Variants in NLN observed in about 807,000 individuals in gnomAD.
NLN encodes neurolysin, mitochondrial.
NLN carries 64 observed loss-of-function variants against 79.9 expected under a neutral mutation model. That is an observed-to-expected ratio of 0.80 (90% CI 0.65 to 0.99). The LOEUF is 0.99. Among genes scored for constraint, NLN ranks in the 50% least tolerant of loss-of-function variants. NLN has a pLI of 0.00. For synonymous variants in NLN, 267 were observed against 296.6 expected (o/e 0.90, Z 1.02); for missense variants, 835 against 858.7 (o/e 0.97, Z 0.34).
At chr5:65,739,600 A>T (rs936566580) in intron 1 of NLN, among the ~76,000 whole-genome samples, 2 of 152,222 alleles carry the variant, frequency 1.3e-5, no homozygotes, top group Admixed American at 6.5e-5. Flanking sequence ...ACTGTTTTCC[A>T]TAATGGCTGT....
At position 65,725,085 on chromosome 5, in the gene NLN, G is replaced by A. The variant is rs147976276; in HGVS notation, c.41+2671G>A. ...CTCCCAAAGTGCTGGGATTACAGGCGTGAGCCACTGCGCCCGGCAGAAGTG... is the reference window on the plus strand; with the variant it reads ...CTCCCAAAGTGCTGGGATTACAGGCATGAGCCACTGCGCCCGGCAGAAGTG... On this transcript the variant is annotated intron_variant, in intron 1 of 12. Transcript: ENST00000380985. Among the ~76,000 whole-genome samples, 21 of 152,160 alleles carry A rather than the reference G, an allele frequency of 1.4e-4. 1 individual carries two copies. In the East Asian group the frequency reaches 4.1e-3, roughly 29 times the overall value.
intron 9 of NLN, among the ~76,000 whole-genome samples, chr5:65,794,999 A>T (rs1760143321): frequency 6.6e-6 from 1 of 152,140 alleles, no homozygotes; most frequent in African/African-American, 2.4e-5. Flanking sequence ...TCTCTCTTTA[A>T]TCCAAGGAAA....
In NLN at chr5:65,825,154, T is replaced by C. The variant is rs897167680; in HGVS notation, c.*2239T>C. 6.6e-6 allele frequency: 1 copy of C among 151,580 alleles called. No homozygotes were observed. Among genetic ancestry groups the C allele is most frequent in the Non-Finnish European group, 1.5e-5 (1 of 68,032 alleles). 9.4% of individuals were successfully genotyped at this position (151,580 alleles called of 1,614,324 possible). ...TAGCATAATTTAAAAGAAAGGACTT[T>C]TTAAAAATTCTCTAGCATAATTCAA... On this transcript the variant is annotated 3_prime_UTR_variant, in exon 13 of 13. Coordinates refer to ENST00000380985, the MANE Select transcript of NLN (RefSeq NM_020726.5).
At chr5:65,803,189 C>T (rs752449952) in intron 9 of NLN, among the ~76,000 whole-genome samples, 10 of 152,186 alleles carry the variant, frequency 6.6e-5, no homozygotes, top group Non-Finnish European at 1.0e-4. Context: ...CCCCAGGCTT[C>T]AGGCCTTCCC....
chr5:65,781,878 C>T (rs1759807153), intron 6 of NLN, among the ~76,000 whole-genome samples: 1 of 152,140 alleles, frequency 6.6e-6, no homozygotes, highest in African/African-American at 2.4e-5. Context: ...AGCTCAAAGA[C>T]CAGGATCTCT....
intron 1 of NLN, among the ~76,000 whole-genome samples, chr5:65,747,130 A>G (rs1468827085): frequency 1.3e-5 from 2 of 152,204 alleles, no homozygotes; most frequent in Non-Finnish European, 2.9e-5. Context: ...GATTTGTCTT[A>G]TACTAGTTAG....
At chr5:65,755,906 A>C (rs1283556638) in intron 1 of NLN, among the ~76,000 whole-genome samples, 1 of 152,034 alleles carries the variant, frequency 6.6e-6, no homozygotes, top group Non-Finnish European at 1.5e-5. Flanking sequence ...CCACGGCCAG[A>C]TCCACAGAGA....
intron 7 of NLN, among the ~76,000 whole-genome samples, chr5:65,787,882 TAA>T (rs1759965816): frequency 1.3e-5 from 2 of 152,132 alleles, no homozygotes; most frequent in Non-Finnish European, 2.9e-5. Context: ...CTGGGGGTGT[TAA>T]AAGAAAAAGG....
At chr5:65,812,754 A>C (rs1760581345) in intron 12 of NLN, among the ~76,000 whole-genome samples, 2 of 152,182 alleles carry the variant, frequency 1.3e-5, no homozygotes. Flanking sequence ...CTCCTTCCTG[A>C]TGTAAATGGT....
chr5:65,729,673 C>T (rs111295099), intron 1 of NLN, among the ~76,000 whole-genome samples: 50 of 152,262 alleles, frequency 3.3e-4, no homozygotes, highest in African/African-American at 1.1e-3. Context: ...CGTGCTCCGC[C>T]GAGGATTGAT....
In NLN at chr5:65,788,257, T is replaced by C. The variant is rs773238624; in HGVS notation, c.1098T>C (p.Thr366=). ...INAWDLYYYM[T]QTEELKYSID... Reference sequence around the variant, plus strand: ...CCTGGGATCTATATTACTACATGACTCAGACAGAGGAACTCAAGTATTCCA... The same window carrying C: ...CCTGGGATCTATATTACTACATGACCCAGACAGAGGAACTCAAGTATTCCA... The change falls in exon 8 of 13, where the codon ACT becomes ACC. Residue 366 remains threonine, a synonymous_variant. Transcript: ENST00000380985. 4.3e-6 allele frequency: 7 copies of C among 1,614,010 alleles called. No homozygotes were observed. In the Admixed American group the frequency reaches 8.3e-5, roughly 19 times the overall value.
At chr5:65,737,088 AAGGGAGACTCTGTCCAGCCTATGCGACAG>A in intron 1 of NLN, among the ~76,000 whole-genome samples, 2 of 152,172 alleles carry the variant, frequency 1.3e-5, no homozygotes, top group East Asian at 3.9e-4. Context: ...CTATGCGACA[AAGGGAGACTCTGTCCAGCCTATGCGACAG>A]AGGGAGACTG....
At chr5:65,771,583 G>C (rs1009112397) in intron 3 of NLN, among the ~76,000 whole-genome samples, 6 of 152,204 alleles carry the variant, frequency 3.9e-5, no homozygotes, top group South Asian at 2.1e-4. Flanking sequence ...ATTCATCTTA[G>C]CCAATTAGTG....
At position 65,733,797 on chromosome 5, in the gene NLN, G is replaced by A. The variant is rs1758665367; in HGVS notation, c.41+11383G>A. 1.0e-5 allele frequency: 6 copies of A among 574,952 alleles called. 1 individual carries two copies. The highest frequency in any genetic ancestry group is 9.8e-5 in the Admixed American group (3 of 30,464). The allele number at this position is 574,952 out of a possible 1,614,324, so 35.6% of individuals were successfully genotyped here. A position where few individuals can be genotyped will look rare whatever the true frequency, so the allele number is the denominator to read the frequency against. On this transcript the variant is annotated intron_variant, in intron 1 of 12. Transcript: ENST00000380985. The stretch of plus-strand genomic sequence containing the variant: ...TGCAGTGGCACAATCTCAGCTCACT[G>A]CAACTTCCACCTCCCAGGTTCAAGT...
chr5:65,817,600 C>T (rs1760697547), intron 12 of NLN, among the ~76,000 whole-genome samples: 2 of 152,218 alleles, frequency 1.3e-5, no homozygotes, highest in East Asian at 1.9e-4. Context: ...TCTTCCTCCT[C>T]TTTTGCATTT....
At chr5:65,800,840 A>G (rs2707783) in intron 9 of NLN, among the ~76,000 whole-genome samples, 109,120 of 151,498 alleles carry the variant, frequency 0.72, 39,654 homozygotes, top group African/African-American at 0.8. Context: ...ACAGGAATGC[A>G]CCACCATGCC....
rs762863402 is a variant in NLN, at chr5:65,788,175, A to T, written c.1016A>T (p.Asn339Ile). ...GAAGCAGAACGAGAGTTTATTTTGA[A>T]TTTGAAGAAAAAGGAATGCAAAGAC... is the stretch of plus-strand genomic sequence containing the variant. ...LGEAEREFIL[N>I]LKKKECKDRG... Residue 339 changes from asparagine to isoleucine, a missense_variant, in exon 8 of 13, where the codon AAT becomes ATT. Physicochemically the swap from Asn to Ile is moderately radical, Grantham distance 149. Transcript: ENST00000380985. 1.5e-5 allele frequency: 25 copies of T among 1,614,030 alleles called. No homozygotes were observed. The highest frequency in any genetic ancestry group is 2.1e-5 in the Non-Finnish European group (25 of 1,179,980).
At chr5:65,773,536 C>A (rs1759616759) in intron 3 of NLN, among the ~76,000 whole-genome samples, 1 of 152,036 alleles carries the variant, frequency 6.6e-6, no homozygotes, top group Non-Finnish European at 1.5e-5. Context: ...CAGAAAATCC[C>A]ACTGGAATAA....
chr5:65,730,613 A>G (rs575812384), intron 1 of NLN, among the ~76,000 whole-genome samples: 163 of 151,398 alleles, frequency 1.1e-3, no homozygotes, highest in African/African-American at 3.8e-3. Flanking sequence ...CTAGAGTGCA[A>G]TGGCGCAATC....
Sources: gnomAD v4.1 joint callset for allele counts (sites outside exome capture counted in the v4.1 genomes callset) on GRCh38, gnomAD v4.1.1 for gene constraint, MANE v1.5 for transcripts, NCBI Gene and HGNC (gene_info 2026-07-23, HGNC 2026-07-21) for gene names.